HHAT: variants seen among roughly 807,000 people sequenced by gnomAD.
HHAT encodes the protein protein-cysteine N-palmitoyltransferase HHAT.
HHAT carries 47 observed loss-of-function variants against 70.8 expected under a neutral mutation model. The ratio of observed to expected loss-of-function variants is 0.66; its 90% confidence interval spans 0.53 to 0.85. The LOEUF is 0.85. HHAT is among the 40% of genes least tolerant of loss of function. The pLI, the probability that HHAT is intolerant of heterozygous loss-of-function variation, is 0.00. For synonymous variants in HHAT, 228 were observed against 247.6 expected, an observed-to-expected ratio of 0.92 and a Z score of 0.74; for missense variants, 609 against 604.8, an observed-to-expected ratio of 1.01 and a Z score of -0.07.
intron 1 of HHAT, among the ~76,000 whole-genome samples, chr1:210,343,376 G>A (rs1222089549): frequency 6.6e-6 from 1 of 152,062 alleles, no homozygotes; most frequent in Non-Finnish European, 1.5e-5. Flanking sequence ...TTCTGCCTTC[G>A]TCCTCCTTCC....
At chr1:210,560,830 A>C (rs1331612984) in intron 9 of HHAT, among the ~76,000 whole-genome samples, 4 of 144,328 alleles carry the variant, frequency 2.8e-5, no homozygotes, top group African/African-American at 1.1e-4. Flanking sequence ...AAAAAAAAAA[A>C]AAAAAAAAAA....
At chr1:210,617,056 G>A (rs997987481) in intron 10 of HHAT, among the ~76,000 whole-genome samples, 1 of 152,244 alleles carries the variant, frequency 6.6e-6, no homozygotes, top group South Asian at 2.1e-4. Flanking sequence ...GGCAACACAG[G>A]TAGAAGATGG....
intron 4 of HHAT, among the ~76,000 whole-genome samples, chr1:210,392,934 C>A (rs1358492838): frequency 6.6e-6 from 1 of 152,148 alleles, no homozygotes; most frequent in African/African-American, 2.4e-5. Context: ...TGGCAGAAAT[C>A]TAGCTATATT....
At chr1:210,580,377 TA>T (rs200975347) in intron 9 of HHAT, among the ~76,000 whole-genome samples, 13 of 126,156 alleles carry the variant, frequency 1.0e-4, no homozygotes, top group African/African-American at 2.1e-4. Flanking sequence ...TTTCTTTCTT[TA>T]AAAAAAAAAA....
At chr1:210,453,932 GTT>G (rs1358510593) in intron 7 of HHAT, among the ~76,000 whole-genome samples, 1 of 152,182 alleles carries the variant, frequency 6.6e-6, no homozygotes, top group African/African-American at 2.4e-5. Flanking sequence ...TGGACTTACA[GTT>G]TCACATGGCT....
intron 9 of HHAT, among the ~76,000 whole-genome samples, chr1:210,518,250 AC>A (rs2095093414): frequency 6.6e-6 from 1 of 150,904 alleles, no homozygotes; most frequent in Non-Finnish European, 1.5e-5. Flanking sequence ...TCCCCTCTCT[AC>A]CCCCTCTATG....
intron 7 of HHAT, among the ~76,000 whole-genome samples, chr1:210,420,714 G>A (rs1197044635): frequency 6.6e-6 from 1 of 151,638 alleles, no homozygotes; most frequent in East Asian, 1.9e-4. Flanking sequence ...CATTACAGGT[G>A]TGTGCATGAG....
chr1:210,404,119 G>A (rs2092218953), intron 5 of HHAT, among the ~76,000 whole-genome samples: 1 of 152,154 alleles, frequency 6.6e-6, no homozygotes, highest in South Asian at 2.1e-4. Context: ...GTATCCACTG[G>A]ATGTAGCTAA....
At chr1:210,582,294 AG>A (rs1244405507) in intron 9 of HHAT, among the ~76,000 whole-genome samples, 1 of 152,152 alleles carries the variant, frequency 6.6e-6, no homozygotes, top group Admixed American at 6.5e-5. Context: ...TGGAAAGTTA[AG>A]GTGGAGCTAG....
chr1:210,354,474 TATG>T (rs1324209417), intron 2 of HHAT, among the ~76,000 whole-genome samples: 1 of 152,094 alleles, frequency 6.6e-6, no homozygotes, highest in Non-Finnish European at 1.5e-5. Context: ...TTATGATAAT[TATG>T]ATGCAATCTT....
chr1:210,334,391 AGTC>A (rs2085294109), intron 1 of HHAT, among the ~76,000 whole-genome samples: 1 of 151,754 alleles, frequency 6.6e-6, no homozygotes, highest in African/African-American at 2.4e-5. Flanking sequence ...CCTGGGCTCA[AGTC>A]GTCTGCCCAC....
chr1:210,342,180 C>A (rs562056213), intron 1 of HHAT, among the ~76,000 whole-genome samples: 25 of 152,106 alleles, frequency 1.6e-4, no homozygotes, highest in Non-Finnish European at 2.8e-4. Flanking sequence ...GGGCCTAAAT[C>A]ATCAACCTCC....
intron 11 of HHAT, among the ~76,000 whole-genome samples, chr1:210,640,377 T>G (rs996504820): frequency 3.9e-5 from 6 of 152,176 alleles, no homozygotes; most frequent in Admixed American, 3.9e-4. Context: ...GGAGTGGCCT[T>G]ATGAAGAGAA....
At chr1:210,410,527 T>TTTA (rs1300336793) in intron 6 of HHAT, among the ~76,000 whole-genome samples, 4 of 97,758 alleles carry the variant, frequency 4.1e-5, no homozygotes, top group African/African-American at 1.5e-4. Flanking sequence ...TTGTAAATTT[T>TTTA]TTTTTTTTTT....
intron 9 of HHAT, among the ~76,000 whole-genome samples, chr1:210,578,562 A>G (rs2148759520): frequency 6.6e-6 from 1 of 152,344 alleles, no homozygotes; most frequent in Admixed American, 6.5e-5. Context: ...CAAGATACAG[A>G]AATAACCTAA....
chr1:210,652,754 C>T (rs1488364161), intron 11 of HHAT, among the ~76,000 whole-genome samples: 1 of 152,174 alleles, frequency 6.6e-6, no homozygotes, highest in Non-Finnish European at 1.5e-5. Context: ...GCAAATGTCT[C>T]TGAAGCAAAT....
At chr1:210,374,111 C>A (rs559569980) in intron 3 of HHAT, 1 of 147,346 alleles carries the variant, frequency 6.8e-6, no homozygotes, top group Non-Finnish European at 1.5e-5. Flanking sequence ...TAAAGTTGCA[C>A]CATAATGTTT....
intron 8 of HHAT, among the ~76,000 whole-genome samples, chr1:210,473,386 C>A (rs2094243025): frequency 6.6e-6 from 1 of 152,098 alleles, no homozygotes; most frequent in Non-Finnish European, 1.5e-5. Flanking sequence ...ATGGCCTGAA[C>A]TAGTTTTTCA....
chr1:210,669,036 G>A (rs1367947192), intron 11 of HHAT, among the ~76,000 whole-genome samples: 1 of 152,184 alleles, frequency 6.6e-6, no homozygotes, highest in Non-Finnish European at 1.5e-5. Context: ...GCTTCCCAAA[G>A]TGCTGGGATT....
Sources: gnomAD v4.1 joint callset for allele counts (sites outside exome capture counted in the v4.1 genomes callset) on GRCh38, gnomAD v4.1.1 for gene constraint, MANE v1.5 for transcripts, NCBI Gene and HGNC (gene_info 2026-07-23, HGNC 2026-07-21) for gene names.